The following NWD1 variants were observed in gnomAD, a reference collection of about 807,000 sequenced individuals.
The protein encoded by NWD1 is NACHT domain- and WD repeat-containing protein 1.
In NWD1, 129 loss-of-function variants were observed where a neutral mutation model predicts 135.1. The observed-to-expected ratio is 0.96, with a 90% confidence interval of 0.83 to 1.11. The LOEUF (loss-of-function observed/expected upper bound fraction) is 1.11. Among genes scored for constraint, NWD1 ranks in the 50% least tolerant of loss-of-function variants. NWD1 has a pLI of 0.00. For missense variants in NWD1, 1,740 were observed against 1,851.3 expected, an observed-to-expected ratio of 0.94 and a Z score of 1.10; for synonymous variants, 773 against 786.0, an observed-to-expected ratio of 0.98 and a Z score of 0.28.
chr19:16,778,033 G>A (rs1969718969), intron 11 of NWD1, among the ~76,000 whole-genome samples: 1 of 148,216 alleles, frequency 6.7e-6, no homozygotes, highest in Admixed American at 6.7e-5. Context: ...AAGGGAAAGG[G>A]AGGGAAGGGG....
At chr19:16,790,850 A>G (rs1970220329) in intron 13 of NWD1, among the ~76,000 whole-genome samples, 2 of 152,078 alleles carry the variant, frequency 1.3e-5, no homozygotes, top group Admixed American at 6.6e-5. Context: ...GTTTCTTTGT[A>G]CCTTTTGTAA....
At chr19:16,764,700 TCTCTCTCTATCC>T (rs1969154500) in intron 9 of NWD1, among the ~76,000 whole-genome samples, 1 of 152,132 alleles carries the variant, frequency 6.6e-6, no homozygotes, top group Admixed American at 6.6e-5. Context: ...TCCCTCTCTC[TCTCTCTCTATCC>T]ATCCATTCAC....
At chr19:16,745,475 T>C (rs1306449682) in intron 5 of NWD1, among the ~76,000 whole-genome samples, 1 of 150,998 alleles carries the variant, frequency 6.6e-6, no homozygotes, top group African/African-American at 2.4e-5. Context: ...CTACCTGTAA[T>C]CCCAGAATTT....
chr19:16,728,631 C>T (rs116352943), intron 2 of NWD1, among the ~76,000 whole-genome samples: 3,138 of 150,242 alleles, frequency 0.021, 119 homozygotes, highest in African/African-American at 0.073. Flanking sequence ...CATCCTGGTT[C>T]GGGGAATGGA....
intron 1 of NWD1, among the ~76,000 whole-genome samples, chr19:16,720,777 TCTCCTGAC>T (rs1161978422): frequency 6.6e-6 from 1 of 152,004 alleles, no homozygotes; most frequent in East Asian, 1.9e-4. Flanking sequence ...ATGGTCTCGA[TCTCCTGAC>T]CTCATGATCT....
intron 16 of NWD1, 31 bp downstream of exon 16, chr19:16,797,917 A>G (rs1970475071): frequency 6.3e-7 from 1 of 1,579,936 alleles, no homozygotes; most frequent in African/African-American, 1.4e-5. Context: ...CTTCATCCTC[A>G]CCTCCACCTC....
At chr19:16,781,202 G>T (rs1250397444) in intron 12 of NWD1, among the ~76,000 whole-genome samples, 1 of 152,170 alleles carries the variant, frequency 6.6e-6, no homozygotes, top group Non-Finnish European at 1.5e-5. Flanking sequence ...GACTAGGATG[G>T]AAAACTATTC....
In NWD1 at chr19:16,765,085, T is replaced by C; in HGVS notation, c.2303T>C (p.Leu768Pro). The change falls in exon 10 of 19, where the codon CTG becomes CCG. Residue 768 changes from leucine to proline, a missense_variant. Transcript: ENST00000524140. The part of the protein sequence containing the change: ...CRGISGGIED[L>P]LDDFDLCAPH... ...GGCATCTCTGGGGGCATTGAAGACC[T>C]GCTGGATGACTTTGACCTGTGTGCC... 6.2e-7 allele frequency: 1 copy of C among 1,614,150 alleles called. No individual in the cohort carries two copies. The highest frequency in any genetic ancestry group is 8.5e-7 in the Non-Finnish European group (1 of 1,180,026).
intron 7 of NWD1, 54 bp from the exon 8 acceptor site, chr19:16,761,918 GCAGCCAC>G (rs1174704578): frequency 2.8e-6 from 4 of 1,450,494 alleles, no homozygotes. Context: ...AGGAAGACAA[GCAGCCAC>G]CTTTGAGCTT....
At chr19:16,756,441 A>G (rs959634063) in intron 6 of NWD1, among the ~76,000 whole-genome samples, 4 of 152,292 alleles carry the variant, frequency 2.6e-5, no homozygotes, top group South Asian at 2.1e-4. Context: ...AAATCCACAT[A>G]TAAGTGGACT....
At chr19:16,761,921 G>GC in intron 7 of NWD1, 58 bp from the exon 8 acceptor site, 1 of 1,470,236 alleles carries the variant, frequency 6.8e-7, no homozygotes, top group Non-Finnish European at 9.3e-7. Flanking sequence ...AAGACAAGCA[G>GC]CCACCTTTGA....
At position 16,749,934 on chromosome 19, in the gene NWD1, C is replaced by T; in HGVS notation, c.1292C>T (p.Ser431Phe). The T allele has an allele frequency of 1.2e-6, 2 of 1,613,734 alleles. No individual in the cohort carries two copies. The highest frequency in any genetic ancestry group is 1.7e-6 in the Non-Finnish European group (2 of 1,180,034). The change falls in exon 6 of 19, where the codon TCT (serine) becomes TTT (phenylalanine). Residue 431 changes from serine to phenylalanine, a missense_variant. Coordinates refer to ENST00000524140, the MANE Select transcript of NWD1 (RefSeq NM_001007525.5). ...LHTVSCRNFE[S>F]LVLLLDAMDD... ...ACTGTCTCTTGCAGAAACTTCGAGT[C>T]TCTCGTGCTCCTGCTGGATGCTATG...
At chr19:16,809,349 C>T (rs1313525642) in intron 18 of NWD1, among the ~76,000 whole-genome samples, 1 of 151,968 alleles carries the variant, frequency 6.6e-6, no homozygotes, top group East Asian at 1.9e-4. Flanking sequence ...GCTGGGATTA[C>T]AGGTTTGAGC....
At chr19:16,802,696 A>G (rs945454031) in intron 17 of NWD1, among the ~76,000 whole-genome samples, 1 of 151,960 alleles carries the variant, frequency 6.6e-6, no homozygotes, top group African/African-American at 2.4e-5. Context: ...CTGTTCTCAC[A>G]CTGCTAATAA....
chr19:16,723,497 A>G (rs1967212204), intron 1 of NWD1, among the ~76,000 whole-genome samples: 1 of 151,430 alleles, frequency 6.6e-6, no homozygotes, highest in South Asian at 2.1e-4. Flanking sequence ...TTTATTTTGT[A>G]GAGACACTGT....
At chr19:16,765,365 G>A (rs976667567) in intron 10 of NWD1, among the ~76,000 whole-genome samples, 173 bp downstream of exon 10, 6 of 152,068 alleles carry the variant, frequency 3.9e-5, no homozygotes, top group African/African-American at 7.2e-5. Context: ...ATGTGGTATC[G>A]CTGTGTCACC....
chr19:16,797,917 AC>A, intron 16 of NWD1, 31 bp downstream of exon 16: 2 of 1,579,936 alleles, frequency 1.3e-6, no homozygotes, highest in Admixed American at 1.8e-5. Flanking sequence ...CTTCATCCTC[AC>A]CTCCACCTCG....
At chr19:16,796,979 G>A (rs1428893713) in intron 15 of NWD1, among the ~76,000 whole-genome samples, 1 of 152,098 alleles carries the variant, frequency 6.6e-6, no homozygotes, top group Non-Finnish European at 1.5e-5. Flanking sequence ...AGGAGTTTGA[G>A]ACCAGCTTGG....
Position 16,807,789 on chromosome 19 carries a change from C to T in NWD1, c.3940C>T (p.Leu1314=), listed in dbSNP as rs779387445. 3 of 1,613,938 alleles carry T rather than the reference C, an allele frequency of 1.9e-6. No individual in the cohort carries two copies. Among genetic ancestry groups the T allele is most frequent in the Admixed American group, 3.3e-5 (2 of 60,004 alleles). The change falls in exon 18 of 19, where the codon CTG becomes TTG. Residue 1314 remains leucine, a synonymous_variant. Transcript: ENST00000524140. ...GTCCCTGAGCAAGTGCGAGGACCGC[C>T]TGGCCATCGCCTATGACAACATCGT... ...CMSLSKCEDR[L]AIAYDNIVLV...
Sources: gnomAD v4.1 joint callset for allele counts (sites outside exome capture counted in the v4.1 genomes callset) on GRCh38, gnomAD v4.1.1 for gene constraint, MANE v1.5 for transcripts, NCBI Gene and HGNC (gene_info 2026-07-23, HGNC 2026-07-21) for gene names.